Variants in PRRC2C observed in about 807,000 individuals in gnomAD.
PRRC2C encodes proline rich coiled-coil 2C.
Under a neutral mutation model 317.2 loss-of-function variants are expected in PRRC2C, and 72 were observed. That is an observed-to-expected ratio of 0.23 (90% CI 0.19 to 0.28). PRRC2C has a LOEUF of 0.28. PRRC2C is among the 10% of genes least tolerant of loss of function. The probability of loss-of-function intolerance (pLI) is 1.00; values close to 1 mark genes in which losing one functional copy is unlikely to be tolerated. For missense variants in PRRC2C, 3,074 were observed against 3,459.7 expected (o/e 0.89, Z 2.80); for synonymous variants, 1,296 against 1,205.9 (o/e 1.07, Z -1.55).
chr1:171,586,164 G>A (rs896336276), intron 30 of PRRC2C, among the ~76,000 whole-genome samples: 5 of 144,642 alleles, frequency 3.5e-5, no homozygotes, highest in Non-Finnish European at 6.0e-5. Context: ...CCAGGTTCAA[G>A]TGATTCTCGT....
chr1:171,566,289 T>C lies in PRRC2C; in HGVS notation c.6174T>C (p.Phe2058=). 6.2e-7 allele frequency: 1 copy of C among 1,611,390 alleles called. No homozygotes were observed. The highest frequency in any genetic ancestry group is 1.1e-5 in the South Asian group (1 of 90,222). The part of the protein sequence containing the change: ...GLEIGTDTIQ[F]GAPASNGNEN... ...AAATTGGAACTGACACAATTCAGTTTGGTGCTCCAGCCTCAAATGGAAATG... is the reference window on the plus strand; with the variant it reads ...AAATTGGAACTGACACAATTCAGTTCGGTGCTCCAGCCTCAAATGGAAATG... The change falls in exon 21 of 35, where the codon TTT becomes TTC. Residue 2058 remains phenylalanine, a synonymous_variant. Transcript: ENST00000647382.
chr1:171,498,084 C>A (rs1284261590), intron 1 of PRRC2C, among the ~76,000 whole-genome samples: 1 of 151,278 alleles, frequency 6.6e-6, no homozygotes, highest in Non-Finnish European at 1.5e-5. Context: ...GCCTCGGCTT[C>A]CGAAATTCCT....
intron 29 of PRRC2C, 84 bp downstream of exon 29, chr1:171,584,271 A>G (rs1009833864): frequency 2.2e-6 from 3 of 1,384,900 alleles, no homozygotes; most frequent in South Asian, 1.4e-5. Context: ...AAAAGAAAAC[A>G]TGTTAGAAGA....
At chr1:171,591,124 A>G in intron 34 of PRRC2C, 1 of 980,226 alleles carries the variant, frequency 1.0e-6, no homozygotes, top group Non-Finnish European at 1.2e-6. Flanking sequence ...AGTCGTAGTT[A>G]CTAATTTCTG....
chr1:171,589,334 A>C (rs1473734705), intron 33 of PRRC2C, 35 bp from the exon 34 acceptor site: 3 of 643,844 alleles, frequency 4.7e-6, no homozygotes, highest in Non-Finnish European at 6.6e-6. Context: ...TTTTTTTAAC[A>C]GTTCAATGTT....
rs771191004 is a variant in PRRC2C at position 171,541,764 on chromosome 1, A to G, written c.4298A>G (p.Gln1433Arg). ...RRQRPTRPPR[Q>R]DKPPRFRRLR... ...CAGCGTCCTACTCGACCACCAAGGCAAGACAAGCCACCTCGATTTAGACGG... is the reference window on the plus strand; with the variant it reads ...CAGCGTCCTACTCGACCACCAAGGCGAGACAAGCCACCTCGATTTAGACGG... Residue 1433 changes from glutamine to arginine, a missense_variant, in exon 16 of 35, where the codon CAA becomes CGA. Around this residue, in one of 11 missense-constraint regions of PRRC2C, gnomAD observed 1,320 missense variants for 1,395.7 expected, o/e 0.95. Coordinates refer to ENST00000647382, the MANE Select transcript of PRRC2C (RefSeq NM_001387844.1). This position sits in a 1 kb window ranked among gnomAD's most constrained non-coding sequence, Gnocchi z 4.1. The G allele has an allele frequency of 6.2e-7, 1 of 1,613,870 alleles. No individual in the cohort carries two copies. Among genetic ancestry groups the G allele is most frequent in the Non-Finnish European group, 8.5e-7 (1 of 1,179,892 alleles).
intron 15 of PRRC2C, among the ~76,000 whole-genome samples, chr1:171,538,971 G>A (rs1016483766): frequency 2.7e-5 from 4 of 150,842 alleles, no homozygotes; most frequent in African/African-American, 9.8e-5. Context: ...CTCCCAGAGT[G>A]CAAGGATTAC....
intron 20 of PRRC2C, 65 bp from the exon 21 acceptor site, chr1:171,566,168 G>T: frequency 7.5e-7 from 1 of 1,324,700 alleles, no homozygotes; most frequent in Non-Finnish European, 1.0e-6. Flanking sequence ...ACTGTATAGT[G>T]CTTCATAAAT....
intron 17 of PRRC2C, among the ~76,000 whole-genome samples, chr1:171,546,631 A>C (rs1679167362): frequency 6.6e-6 from 1 of 152,022 alleles, no homozygotes; most frequent in Non-Finnish European, 1.5e-5. Flanking sequence ...ACAGAGACTT[A>C]CTCTGTTGCC....
intron 32 of PRRC2C, 149 bp from the exon 33 acceptor site, chr1:171,588,230 C>G: frequency 2.2e-6 from 2 of 897,076 alleles, no homozygotes; most frequent in Non-Finnish European, 3.5e-6. Flanking sequence ...TCCAATGTCT[C>G]TCTTCTACCA....
In PRRC2C at chr1:171,573,466, C is replaced by T. The variant is rs1056832628; in HGVS notation, c.6754-1461C>T. Among the ~76,000 whole-genome samples the T allele has an allele frequency of 8.6e-5, 13 of 152,012 alleles. 2 individuals carry two copies. In the South Asian group the frequency reaches 2.3e-3, roughly 27 times the overall value. On this transcript the variant is annotated intron_variant, in intron 24 of 34. Transcript: ENST00000647382. ...TATATTCTAGCTTACTTCCTAAATT[C>T]CCCCAAGACTTCTATTTTAAAATAA...
chr1:171,526,300 G>C (rs1006056221), intron 10 of PRRC2C, among the ~76,000 whole-genome samples: 1 of 152,142 alleles, frequency 6.6e-6, no homozygotes, highest in East Asian at 1.9e-4. Context: ...TCCTCAGTCA[G>C]ATTTGCTGGA....
chr1:171,555,200 A>G (rs1212073578), intron 18 of PRRC2C, among the ~76,000 whole-genome samples: 2 of 151,810 alleles, frequency 1.3e-5, no homozygotes, highest in Non-Finnish European at 2.9e-5. Context: ...TTCTCGCTTC[A>G]TTTCATTTAT....
Position 171,513,081 on chromosome 1 carries a change from G to A in PRRC2C, c.199G>A (p.Ala67Thr), listed in dbSNP as rs1277685259. 1.4e-5 allele frequency: 23 copies of A among 1,613,648 alleles called. No individual in the cohort carries two copies. Among genetic ancestry groups the A allele is most frequent in the African/African-American group, 2.7e-5 (2 of 74,902 alleles). ...ACCTGCTAACCTCCCAAGTCTTAAA[G>A]CAGAAAACAAAGGCAATGATCCTAA... Reference protein sequence around the residue: ...PPPANLPSLKAENKGNDPNVN... With the variant: ...PPPANLPSLKTENKGNDPNVN... Residue 67 changes from alanine to threonine, a missense_variant, in exon 3 of 35, where the codon GCA becomes ACA. Transcript: ENST00000647382.
At position 171,539,961 on chromosome 1, in the gene PRRC2C, A is replaced by G; in HGVS notation, c.2505-10A>G. 2 of 1,581,194 alleles carry G rather than the reference A, an allele frequency of 1.3e-6. No individual in the cohort carries two copies. The highest frequency in any genetic ancestry group is 8.6e-7 in the Non-Finnish European group (1 of 1,165,470). On this transcript the variant is annotated splice_polypyrimidine_tract_variant and intron_variant, in intron 15 of 34. Coordinates refer to ENST00000647382, the MANE Select transcript of PRRC2C (RefSeq NM_001387844.1). ...TTGTTGATTATACCTTTGAATTCTT[A>G]TCATCATAGGTCTGAAGCTGCGTTG...
intron 26 of PRRC2C, among the ~76,000 whole-genome samples, chr1:171,578,659 G>A (rs1647774005): frequency 6.6e-6 from 1 of 152,208 alleles, no homozygotes. Flanking sequence ...GTTGAGGCCA[G>A]CAGTTCAAGA....
At chr1:171,553,400 T>G (rs1022441782) in intron 18 of PRRC2C, among the ~76,000 whole-genome samples, 2 of 152,156 alleles carry the variant, frequency 1.3e-5, no homozygotes, top group Non-Finnish European at 2.9e-5. Context: ...TATTGATCTT[T>G]TCAAAAAACC....
chr1:171,535,532 G>A lies in PRRC2C; in HGVS notation c.1978G>A (p.Ala660Thr). The change falls in exon 13 of 35, where the codon GCT (alanine) becomes ACT (threonine). Residue 660 changes from alanine (A) to threonine (T), a missense_variant. Coordinates refer to ENST00000647382, the MANE Select transcript of PRRC2C (RefSeq NM_001387844.1). ...AGAATCAGGGTCTCAACCTCGGCCG[G>A]CTGTATTATCTGGCTATTTCAAACA... ...EPESGSQPRPAVLSGYFKQFQ... is the reference protein window; with the variant it reads ...EPESGSQPRPTVLSGYFKQFQ... 1 of 1,614,026 alleles carries A rather than the reference G, an allele frequency of 6.2e-7. No homozygotes were observed. Among genetic ancestry groups the A allele is most frequent in the East Asian group, 2.2e-5 (1 of 44,880 alleles).
intron 11 of PRRC2C, among the ~76,000 whole-genome samples, chr1:171,530,667 G>A (rs894139168): frequency 4.6e-5 from 7 of 152,028 alleles, no homozygotes; most frequent in African/African-American, 1.2e-4. Context: ...CACATGAAAA[G>A]ATATTCAGTG....
Sources: gnomAD v4.1 joint callset for allele counts (sites outside exome capture counted in the v4.1 genomes callset) on GRCh38, gnomAD v4.1.1 for gene constraint, gnomAD v4.1.1 regional missense constraint, Gnocchi (gnomAD v3.1) non-coding constraint, MANE v1.5 for transcripts, NCBI Gene and HGNC (gene_info 2026-07-23, HGNC 2026-07-21) for gene names.